PPP3CC: variants seen among roughly 807,000 people sequenced by gnomAD.
PPP3CC encodes the protein serine/threonine-protein phosphatase 2B catalytic subunit gamma isoform.
In PPP3CC, 35 loss-of-function variants were observed where a neutral mutation model predicts 60.3. The observed-to-expected ratio is 0.58, with a 90% confidence interval of 0.44 to 0.77. The LOEUF is 0.77. PPP3CC is among the 30% of genes least tolerant of loss of function. PPP3CC has a pLI of 0.00. For synonymous variants in PPP3CC, 206 were observed against 224.3 expected, an observed-to-expected ratio of 0.92 and a Z score of 0.73; for missense variants, 570 against 628.9, an observed-to-expected ratio of 0.91 and a Z score of 1.00.
intron 3 of PPP3CC, among the ~76,000 whole-genome samples, chr8:22,486,268 TG>T (rs1449365535): frequency 6.6e-6 from 1 of 152,152 alleles, no homozygotes; most frequent in Non-Finnish European, 1.5e-5. Flanking sequence ...TAGATGGGAT[TG>T]GGGTTGCAGG....
At chr8:22,508,085 C>G (rs759649105) in intron 4 of PPP3CC, among the ~76,000 whole-genome samples, 5 of 152,114 alleles carry the variant, frequency 3.3e-5, no homozygotes, top group Non-Finnish European at 4.4e-5. Context: ...GAGACCCTGT[C>G]TCTACAAGTA....
chr8:22,477,797 C>A (rs1028729294), intron 3 of PPP3CC, among the ~76,000 whole-genome samples: 8 of 151,864 alleles, frequency 5.3e-5, no homozygotes, highest in African/African-American at 1.9e-4. Flanking sequence ...CACCACTGTG[C>A]CTGGCTAGTC....
At chr8:22,494,728 G>A (rs1044029492) in intron 3 of PPP3CC, among the ~76,000 whole-genome samples, 1 of 151,982 alleles carries the variant, frequency 6.6e-6, no homozygotes, top group African/African-American at 2.4e-5. Context: ...ACCAAATAAG[G>A]CCACACTCTC....
intron 8 of PPP3CC, among the ~76,000 whole-genome samples, chr8:22,525,566 C>T (rs1349728777): frequency 1.4e-5 from 2 of 141,502 alleles, no homozygotes; most frequent in African/African-American, 5.5e-5. Context: ...CTCTTTCTTT[C>T]TCTCTCTCTC....
chr8:22,486,211 A>AT (rs1219053102), intron 3 of PPP3CC, among the ~76,000 whole-genome samples: 7 of 152,128 alleles, frequency 4.6e-5, no homozygotes, highest in Non-Finnish European at 1.0e-4. Flanking sequence ...TATTGCATAC[A>AT]TTTTCCCTCT....
chr8:22,446,124 A>C (rs1232520628), intron 1 of PPP3CC, among the ~76,000 whole-genome samples: 1 of 152,178 alleles, frequency 6.6e-6, no homozygotes, highest in Admixed American at 6.5e-5. Context: ...CATAACTTTT[A>C]CTGGAGTGTA....
chr8:22,471,150 C>A lies in PPP3CC; in HGVS notation c.50-3804C>A, dbSNP rs1300012457. 2.0e-5 allele frequency among the ~76,000 whole-genome samples: 3 copies of A among 152,144 alleles called. No individual in the cohort carries two copies. In the East Asian group the frequency reaches 5.8e-4, roughly 29 times the overall value. ...GTTTCAAATTTCTTAAAACCTTTCT[C>A]TTTACATCAGTTTGGTTTTGGAAGA... On this transcript the variant is annotated intron_variant, in intron 1 of 13. Coordinates refer to ENST00000240139, the MANE Select transcript of PPP3CC (RefSeq NM_005605.5).
chr8:22,530,737 CAGG>C (rs201074324), intron 10 of PPP3CC, among the ~76,000 whole-genome samples: 2,387 of 138,330 alleles, frequency 0.017, 64 homozygotes, highest in African/African-American at 0.061. Flanking sequence ...GAGGCTGAGG[CAGG>C]AGAATTGCTT....
intron 3 of PPP3CC, among the ~76,000 whole-genome samples, chr8:22,496,353 T>C (rs566156394): frequency 6.6e-6 from 1 of 152,134 alleles, no homozygotes; most frequent in East Asian, 1.9e-4. Flanking sequence ...AGTGTTTTCC[T>C]GGTTATTCTT....
chr8:22,478,892 T>TA (rs1321048297), intron 3 of PPP3CC, among the ~76,000 whole-genome samples: 6 of 152,244 alleles, frequency 3.9e-5, no homozygotes, highest in African/African-American at 1.4e-4. Context: ...TCATAGTTTG[T>TA]ATTTAGCTTT....
intron 4 of PPP3CC, among the ~76,000 whole-genome samples, chr8:22,505,061 T>G (rs2443498): frequency 6.9e-6 from 1 of 144,004 alleles, no homozygotes; most frequent in Non-Finnish European, 1.5e-5. Context: ...GAGTCTCGCT[T>G]CGTCACCCAG....
At chr8:22,492,529 G>T in intron 3 of PPP3CC, 1 of 352,546 alleles carries the variant, frequency 2.8e-6, no homozygotes. Context: ...CCCCATGTGT[G>T]TGCACCTAAT....
intron 1 of PPP3CC, among the ~76,000 whole-genome samples, chr8:22,443,585 A>G (rs2132418477): frequency 6.6e-6 from 1 of 151,968 alleles, no homozygotes; most frequent in East Asian, 1.9e-4. Context: ...TTAAATAAAC[A>G]CTGTCATCAT....
chr8:22,475,174 A>C, intron 2 of PPP3CC, 23 bp downstream of exon 2: 1 of 1,583,926 alleles, frequency 6.3e-7, no homozygotes, highest in African/African-American at 1.3e-5. Flanking sequence ...TTTGCATGAT[A>C]CTTTTTTACA....
chr8:22,490,112 C>T (rs956331206), intron 3 of PPP3CC, among the ~76,000 whole-genome samples: 1 of 151,504 alleles, frequency 6.6e-6, no homozygotes, highest in African/African-American at 2.4e-5. Flanking sequence ...CGTGAGCTGC[C>T]GTGCTGAGCC....
In PPP3CC at chr8:22,527,381, T is replaced by G; in HGVS notation, c.944-11T>G. The G allele has an allele frequency of 1.2e-6, 2 of 1,613,590 alleles. No individual in the cohort carries two copies. The highest frequency in any genetic ancestry group is 1.7e-6 in the Non-Finnish European group (2 of 1,179,594). ...CTCTGTGCCAGATTTTCTTGCTTTT[T>G]TCCTTTTTAGCTGCTGTGTTGAAAT... On this transcript the variant is annotated splice_polypyrimidine_tract_variant and intron_variant, in intron 8 of 13. Transcript: ENST00000240139.
intron 6 of PPP3CC, among the ~76,000 whole-genome samples, chr8:22,520,492 A>G (rs1472238737): frequency 6.6e-6 from 1 of 151,930 alleles, no homozygotes; most frequent in African/African-American, 2.4e-5. Context: ...TACTTTCCAC[A>G]TTCTTTTTTA....
intron 1 of PPP3CC, among the ~76,000 whole-genome samples, chr8:22,469,656 G>A: frequency 6.6e-6 from 1 of 152,070 alleles, no homozygotes; most frequent in Non-Finnish European, 1.5e-5. Context: ...CCACATGTGG[G>A]TATTCTCTTC....
At chr8:22,519,883 T>C in intron 6 of PPP3CC, among the ~76,000 whole-genome samples, 1 of 152,112 alleles carries the variant, frequency 6.6e-6, no homozygotes. Context: ...CTCTAACTCC[T>C]GGCCTCAAGT....
Sources: allele counts gnomAD v4.1 joint callset (sites outside exome capture counted in the v4.1 genomes callset), GRCh38; gene constraint gnomAD v4.1.1; transcripts MANE v1.5; gene names NCBI Gene and HGNC (gene_info 2026-07-23, HGNC 2026-07-21).